MICU2: variants seen among roughly 807,000 people sequenced by gnomAD.
The protein encoded by MICU2 is calcium uptake protein 2, mitochondrial.
In MICU2, 64 loss-of-function variants were observed where a neutral mutation model predicts 60.4. The ratio of observed to expected loss-of-function variants is 1.06; its 90% CI spans 0.87 to 1.31. The LOEUF (loss-of-function observed/expected upper bound fraction) is 1.31. MICU2 is among the 50% of genes most tolerant of loss of function. The pLI, the probability that MICU2 is intolerant of heterozygous loss-of-function variation, is 0.00. For missense variants in MICU2, 569 were observed against 531.0 expected, an observed-to-expected ratio of 1.07 and a Z score of -0.70; for synonymous variants, 201 against 175.0, an observed-to-expected ratio of 1.15 and a Z score of -1.17.
intron 1 of MICU2, among the ~76,000 whole-genome samples, chr13:21,597,653 C>A (rs2153996): frequency 1.3e-5 from 2 of 152,048 alleles, no homozygotes; most frequent in East Asian, 1.9e-4. Flanking sequence ...CAGGGCCGGG[C>A]GCGGTGGCTC....
chr13:21,564,746 A>G (rs1467674444), intron 2 of MICU2, among the ~76,000 whole-genome samples: 2 of 152,186 alleles, frequency 1.3e-5, no homozygotes, highest in East Asian at 3.9e-4. Context: ...GTATCTAAAA[A>G]TGGCTACTTT....
chr13:21,526,923 C>G (rs1886872705), intron 4 of MICU2, among the ~76,000 whole-genome samples: 1 of 152,046 alleles, frequency 6.6e-6, no homozygotes. Context: ...CTAATGACTC[C>G]CAAGCAAATA....
intron 7 of MICU2, 50 bp from the exon 8 acceptor site, chr13:21,510,151 A>G (rs1886392144): frequency 1.0e-6 from 1 of 972,356 alleles, no homozygotes; most frequent in Non-Finnish European, 1.4e-6. Flanking sequence ...AAGAATAAAA[A>G]TAGAATCTGT....
intron 1 of MICU2, among the ~76,000 whole-genome samples, chr13:21,576,728 G>A (rs1208089314): frequency 6.6e-6 from 1 of 152,182 alleles, no homozygotes; most frequent in African/African-American, 2.4e-5. Context: ...AACTGACAGT[G>A]AGGATTCTTA....
Position 21,520,123 on chromosome 13 carries a change from T to C in MICU2, c.597+1122A>G, listed in dbSNP as rs567131928. 3.9e-5 allele frequency among the ~76,000 whole-genome samples: 6 copies of C among 152,334 alleles called. No homozygotes were observed. The South Asian group carries it at 1.2e-3, about 32-fold the overall frequency. On this transcript the variant is annotated intron_variant, in intron 6 of 11. Transcript: ENST00000382374. ...ATCGTACAGTATGTACTCGTCCATG[T>C]TGCTGCATTTATCAGTGGTTTGTTC...
Position 21,604,164 on chromosome 13 carries a change from G to T in MICU2, c.-16C>A, listed in dbSNP as rs2138086497. 1 of 1,537,690 alleles carries T rather than the reference G, an allele frequency of 6.5e-7. No individual in the cohort carries two copies. The highest frequency in any genetic ancestry group is 2.0e-5 in the Admixed American group (1 of 51,196). ...CCGCCGCCATCTTTGCGGAAGCGCA[G>T]CTAGGCGGCGCTTCTCTCCCGGCGC... On this transcript the variant is annotated 5_prime_UTR_variant, in exon 1 of 12. In the 5' UTR this introduces an upstream ATG that the reference lacks. Transcript: ENST00000382374.
chr13:21,494,082 C>T (rs973198181), intron 11 of MICU2, among the ~76,000 whole-genome samples: 6 of 152,090 alleles, frequency 3.9e-5, no homozygotes, highest in Non-Finnish European at 8.8e-5. Context: ...CAGGTACACT[C>T]AATTGTGAAC....
intron 2 of MICU2, among the ~76,000 whole-genome samples, chr13:21,544,647 T>A (rs1277714209): frequency 6.6e-6 from 1 of 151,936 alleles, no homozygotes; most frequent in Non-Finnish European, 1.5e-5. Flanking sequence ...CTTGCAAGGA[T>A]GCAGAGAAAA....
Position 21,498,903 on chromosome 13 carries a change from C to T in MICU2, c.934-2743G>A, listed in dbSNP as rs564277823. 9.2e-5 allele frequency among the ~76,000 whole-genome samples: 14 copies of T among 151,894 alleles called. No homozygotes were observed. The South Asian group carries it at 2.9e-3, about 32-fold the overall frequency. Reference sequence around the variant, plus strand: ...ACCTCGAAGTAGGCACTGGATGCAACTTTTTTGATGTCTGCTTTTCTGATA... The same window carrying T: ...ACCTCGAAGTAGGCACTGGATGCAATTTTTTTGATGTCTGCTTTTCTGATA... On this transcript the variant is annotated intron_variant, in intron 9 of 11. Transcript: ENST00000382374.
chr13:21,558,638 C>A (rs1054271390), intron 2 of MICU2, among the ~76,000 whole-genome samples: 1 of 152,108 alleles, frequency 6.6e-6, no homozygotes, highest in African/African-American at 2.4e-5. Flanking sequence ...CTTCTCACCC[C>A]ACAAAATTTG....
At chr13:21,576,622 G>T (rs893344434) in intron 1 of MICU2, among the ~76,000 whole-genome samples, 12 of 152,038 alleles carry the variant, frequency 7.9e-5, no homozygotes, top group Non-Finnish European at 1.3e-4. Flanking sequence ...ATAGTATTTT[G>T]CCCTGCTCCC....
At chr13:21,597,314 T>A (rs1159938606) in intron 1 of MICU2, among the ~76,000 whole-genome samples, 1 of 152,176 alleles carries the variant, frequency 6.6e-6, no homozygotes, top group Middle Eastern at 3.4e-3. Context: ...CTTATTTACT[T>A]ATGTTTTCTA....
intron 4 of MICU2, among the ~76,000 whole-genome samples, chr13:21,537,469 C>CTT (rs60479087): frequency 5.6e-5 from 7 of 124,060 alleles, no homozygotes; most frequent in African/African-American, 2.1e-4. Flanking sequence ...TTCTTTCTTT[C>CTT]TTTTTTTTTT....
chr13:21,505,923 TAGAA>T (rs1304560366), intron 8 of MICU2, among the ~76,000 whole-genome samples: 2 of 152,132 alleles, frequency 1.3e-5, no homozygotes, highest in Non-Finnish European at 2.9e-5. Flanking sequence ...GGAAAATACT[TAGAA>T]AGACGCCATG....
At position 21,514,263 on chromosome 13, in the gene MICU2, A is replaced by G. The variant is rs948392786; in HGVS notation, c.663+90T>C. ...TTAAAAAAATTAAATTGCTGATACC[A>G]AATCTATTGGTAACTATCGGGAATA... is the stretch of plus-strand genomic sequence containing the variant. On this transcript the variant is annotated intron_variant, in intron 7 of 11. Transcript: ENST00000382374. 4.4e-6 allele frequency: 5 copies of G among 1,134,802 alleles called. No homozygotes were observed. The Admixed American group carries it at 1.1e-4, about 25-fold the overall frequency. The allele number at this position is 1,134,802 out of a possible 1,614,324, so 70.3% of individuals were successfully genotyped here. A position where few individuals can be genotyped will look rare whatever the true frequency, so the allele number is the denominator to read the frequency against.
intron 1 of MICU2, among the ~76,000 whole-genome samples, chr13:21,603,276 CT>C (rs1293642248): frequency 1.3e-5 from 2 of 152,146 alleles, no homozygotes; most frequent in Non-Finnish European, 2.9e-5. Context: ...CCGGCGGACT[CT>C]TGTCTTTAAT....
At chr13:21,542,702 G>A (rs770591160) in intron 2 of MICU2, among the ~76,000 whole-genome samples, 5 of 152,062 alleles carry the variant, frequency 3.3e-5, no homozygotes, top group African/African-American at 4.8e-5. Context: ...TAGGAATTTT[G>A]GTTCAGGAAG....
At chr13:21,601,480 T>C (rs1483270239) in intron 1 of MICU2, among the ~76,000 whole-genome samples, 1 of 152,170 alleles carries the variant, frequency 6.6e-6, no homozygotes, top group African/African-American at 2.4e-5. Flanking sequence ...GATAATAAAA[T>C]GGTTTCTGTA....
intron 1 of MICU2, among the ~76,000 whole-genome samples, chr13:21,592,237 T>C (rs1300011774): frequency 6.6e-6 from 1 of 152,068 alleles, no homozygotes; most frequent in Non-Finnish European, 1.5e-5. Flanking sequence ...TATAAACACC[T>C]CTACGCAAAT....
Sources: gnomAD v4.1 joint callset for allele counts (sites outside exome capture counted in the v4.1 genomes callset) on GRCh38, gnomAD v4.1.1 for gene constraint, MANE v1.5 for transcripts, NCBI Gene and HGNC (gene_info 2026-07-23, HGNC 2026-07-21) for gene names.